Variants in NCKAP5 observed in about 807,000 individuals in gnomAD.
NCKAP5 encodes the protein NCK associated protein 5, also known as nck-associated protein 5.
Under a neutral mutation model 167.0 loss-of-function variants are expected in NCKAP5, and 92 were observed. The observed-to-expected ratio is 0.55, with a 90% CI of 0.47 to 0.66. The LOEUF (loss-of-function observed/expected upper bound fraction) is 0.66. NCKAP5 is among the 30% of genes least tolerant of loss of function. NCKAP5 has a pLI of 0.00. For synonymous variants in NCKAP5, 891 were observed against 877.4 expected (o/e 1.02, Z -0.27); for missense variants, 2,378 against 2,315.0 (o/e 1.03, Z -0.56).
intron 6 of NCKAP5, among the ~76,000 whole-genome samples, chr2:133,018,283 T>C (rs889074245): frequency 5.3e-5 from 8 of 152,084 alleles, no homozygotes; most frequent in Non-Finnish European, 1.0e-4. Context: ...GAGGCCTGAG[T>C]TCTTGAGGGC....
intron 6 of NCKAP5, among the ~76,000 whole-genome samples, chr2:133,046,457 C>T (rs1316498316): frequency 6.6e-6 from 1 of 152,104 alleles, no homozygotes; most frequent in Non-Finnish European, 1.5e-5. Flanking sequence ...TGGCTCACTA[C>T]ACCCTCGACC....
At chr2:133,415,199 C>A (rs1393270160) in intron 3 of NCKAP5, among the ~76,000 whole-genome samples, 6 of 152,198 alleles carry the variant, frequency 3.9e-5, no homozygotes, top group Non-Finnish European at 8.8e-5. Context: ...CATGTCATGG[C>A]CAAAGAAATT....
At chr2:132,747,087 C>G (rs1238443098) in intron 16 of NCKAP5, among the ~76,000 whole-genome samples, 6 of 150,802 alleles carry the variant, frequency 4.0e-5, no homozygotes, top group Non-Finnish European at 8.8e-5. Context: ...ACTTACTGAA[C>G]TATACACTTC....
intron 3 of NCKAP5, among the ~76,000 whole-genome samples, chr2:133,405,361 G>A (rs1454975273): frequency 1.3e-5 from 2 of 152,134 alleles, no homozygotes; most frequent in Non-Finnish European, 2.9e-5. Context: ...CACAGCCTTC[G>A]TGCACTTATG....
At chr2:132,817,758 C>G (rs775946656) in intron 11 of NCKAP5, among the ~76,000 whole-genome samples, 23 of 152,156 alleles carry the variant, frequency 1.5e-4, no homozygotes, top group Non-Finnish European at 2.8e-4. Flanking sequence ...AAGCCTCCAA[C>G]ACTGCTTCAC....
intron 3 of NCKAP5, among the ~76,000 whole-genome samples, chr2:133,507,466 T>G (rs1405989961): frequency 6.6e-6 from 1 of 152,138 alleles, no homozygotes; most frequent in Admixed American, 6.5e-5. Context: ...CAGGGGCATA[T>G]TCGGAAATGG....
rs1684524707 is a variant in NCKAP5, at chr2:132,795,711, TG to T, written c.909+916del. ...GCGGGCGCCTATAATCCCAGCTACT[TG>T]GGAGGCTGAGGCAGGAGAGTCATTT... On this transcript the variant is annotated intron_variant, in intron 12 of 19. Coordinates refer to ENST00000409261, the MANE Select transcript of NCKAP5 (RefSeq NM_207363.3). 2.0e-5 allele frequency among the ~76,000 whole-genome samples: 3 copies of T among 149,954 alleles called. No homozygotes were observed. In the South Asian group the frequency reaches 6.3e-4, roughly 32 times the overall value.
At chr2:133,027,652 G>A (rs1437576629) in intron 6 of NCKAP5, among the ~76,000 whole-genome samples, 1 of 152,144 alleles carries the variant, frequency 6.6e-6, no homozygotes, top group Admixed American at 6.5e-5. Flanking sequence ...GACTAGAACT[G>A]TTAGGTTCCT....
At chr2:132,675,868 C>G (rs1364027381) in intron 19 of NCKAP5, among the ~76,000 whole-genome samples, 1 of 145,238 alleles carries the variant, frequency 6.9e-6, no homozygotes, top group Non-Finnish European at 1.5e-5. Context: ...AAACAAGAAA[C>G]ATGAACTTCT....
chr2:133,595,400 CTTTTTG>C, the NCKAP5 span, among the ~76,000 whole-genome samples: 1 of 150,042 alleles, frequency 6.7e-6, no homozygotes, highest in Admixed American at 6.6e-5. Flanking sequence ...TCCTCTTCTT[CTTTTTG>C]TTCCTCCTCC....
At chr2:133,552,089 G>C (rs772096078) in intron 2 of NCKAP5, among the ~76,000 whole-genome samples, 2,562 of 101,308 alleles carry the variant, frequency 0.025, 39 homozygotes, top group African/African-American at 0.064. Context: ...AAAAAGTCAG[G>C]AAACAACAGG....
intron 12 of NCKAP5, among the ~76,000 whole-genome samples, chr2:132,794,076 T>A (rs1042324408): frequency 1.3e-5 from 2 of 151,500 alleles, no homozygotes; most frequent in Non-Finnish European, 2.9e-5. Flanking sequence ...ACTGAACCCC[T>A]CTGTGACTCA....
intron 2 of NCKAP5, among the ~76,000 whole-genome samples, chr2:133,544,203 T>C (rs893964077): frequency 6.6e-6 from 1 of 152,234 alleles, no homozygotes; most frequent in South Asian, 2.1e-4. Context: ...AGGTTACTTA[T>C]TTGGAAAAAA....
At chr2:133,549,569 C>A (rs1388658576) in intron 2 of NCKAP5, among the ~76,000 whole-genome samples, 11 of 150,302 alleles carry the variant, frequency 7.3e-5, no homozygotes, top group Non-Finnish European at 1.3e-4. Flanking sequence ...CACAACATAC[C>A]AGAATCTCCG....
At chr2:133,665,446 T>C in the NCKAP5 span, among the ~76,000 whole-genome samples, 1 of 152,158 alleles carries the variant, frequency 6.6e-6, no homozygotes, top group Non-Finnish European at 1.5e-5. Context: ...GGCAGGTTGG[T>C]GGAACAGTCA....
At chr2:132,960,236 T>G (rs1331203810) in intron 8 of NCKAP5, among the ~76,000 whole-genome samples, 1 of 152,184 alleles carries the variant, frequency 6.6e-6, no homozygotes, top group Non-Finnish European at 1.5e-5. Context: ...AATATTTTGC[T>G]GAGCAGGCGG....
the NCKAP5 span, among the ~76,000 whole-genome samples, chr2:133,655,318 C>T: frequency 1.3e-5 from 2 of 152,094 alleles, no homozygotes; most frequent in South Asian, 2.1e-4. Flanking sequence ...AGCCTTAAGG[C>T]CCATATTGAG....
At chr2:132,764,567 T>C (rs891692431) in intron 16 of NCKAP5, among the ~76,000 whole-genome samples, 6 of 152,232 alleles carry the variant, frequency 3.9e-5, no homozygotes, top group African/African-American at 1.4e-4. Context: ...TCCTGGCAAG[T>C]ATTACTACAG....
intron 3 of NCKAP5, among the ~76,000 whole-genome samples, chr2:133,345,986 G>A (rs1453425812): frequency 6.6e-6 from 1 of 152,158 alleles, no homozygotes; most frequent in Non-Finnish European, 1.5e-5. Flanking sequence ...AGAAGCAGCA[G>A]CAGGAAGTGT....
Sources: gnomAD v4.1 joint callset for allele counts (sites outside exome capture counted in the v4.1 genomes callset) on GRCh38, gnomAD v4.1.1 for gene constraint, MANE v1.5 for transcripts, NCBI Gene and HGNC (gene_info 2026-07-23, HGNC 2026-07-21) for gene names.